CA10: variants seen among roughly 807,000 people sequenced by gnomAD.
The protein encoded by CA10 is carbonic anhydrase 10 (inactive).
CA10 carries 14 observed loss-of-function variants against 44.2 expected under a neutral mutation model. The ratio of observed to expected loss-of-function variants is 0.32; its 90% CI spans 0.21 to 0.50. The LOEUF is 0.50. CA10 is among the 20% of genes least tolerant of loss of function. CA10 has a pLI of 0.99. For synonymous variants in CA10, 159 were observed against 141.6 expected (o/e 1.12, Z -0.87); for missense variants, 350 against 409.7 (o/e 0.85, Z 1.26).
At chr17:51,667,911 A>G (rs1414209379) in intron 4 of CA10, among the ~76,000 whole-genome samples, 2 of 152,206 alleles carry the variant, frequency 1.3e-5, no homozygotes, top group Non-Finnish European at 2.9e-5. Context: ...TTAAGACTTC[A>G]ATATCCATTC....
At chr17:51,650,678 T>C (rs959387374) in intron 5 of CA10, among the ~76,000 whole-genome samples, 2 of 152,226 alleles carry the variant, frequency 1.3e-5, no homozygotes, top group African/African-American at 4.8e-5. Context: ...CTGGTGCTGA[T>C]GCACCCCATG....
chr17:52,047,996 T>G (rs1986957717), intron 2 of CA10, among the ~76,000 whole-genome samples: 1 of 150,980 alleles, frequency 6.6e-6, no homozygotes, highest in African/African-American at 2.4e-5. Flanking sequence ...GACTTGCTTC[T>G]CATCTATACA....
chr17:51,931,933 G>T (rs1300129820), intron 2 of CA10, among the ~76,000 whole-genome samples: 1 of 152,112 alleles, frequency 6.6e-6, no homozygotes. Flanking sequence ...TTTTATATCA[G>T]TGAAGATCAA....
chr17:51,706,052 G>A (rs1297605591), intron 4 of CA10, among the ~76,000 whole-genome samples: 1 of 152,226 alleles, frequency 6.6e-6, no homozygotes, highest in East Asian at 1.9e-4. Flanking sequence ...TCTGGTTGAA[G>A]TCATAGTTCC....
intron 1 of CA10, among the ~76,000 whole-genome samples, chr17:52,145,706 G>C (rs1163547165): frequency 1.3e-5 from 2 of 152,132 alleles, no homozygotes; most frequent in African/African-American, 2.4e-5. Context: ...AATAGATTTT[G>C]AGGTAAACCA....
intron 3 of CA10, among the ~76,000 whole-genome samples, chr17:51,882,456 A>C (rs554723293): frequency 2.2e-4 from 34 of 152,240 alleles, no homozygotes; most frequent in Middle Eastern, 3.4e-3. Flanking sequence ...GTGTGTGTGT[A>C]TGGGTGTTGG....
intron 3 of CA10, among the ~76,000 whole-genome samples, chr17:51,868,886 TTTTTG>T (rs1037786625): frequency 6.9e-5 from 10 of 144,960 alleles, no homozygotes; most frequent in African/African-American, 2.7e-4. Flanking sequence ...GCCAAAAGTT[TTTTTG>T]TTTTTTTTTT....
intron 2 of CA10, among the ~76,000 whole-genome samples, chr17:51,968,516 C>T (rs548418317): frequency 2.5e-4 from 38 of 151,908 alleles, no homozygotes; most frequent in African/African-American, 6.5e-4. Flanking sequence ...TCCATTTATA[C>T]GACTTTCTAA....
At chr17:51,640,766 C>T (rs11079974) in intron 6 of CA10, among the ~76,000 whole-genome samples, 100,802 of 152,094 alleles carry the variant, frequency 0.66, 34,126 homozygotes, top group South Asian at 0.76. Context: ...CAGGAACTAG[C>T]TTTTAGTCAC....
intron 3 of CA10, among the ~76,000 whole-genome samples, chr17:51,881,080 TA>T (rs1046255461): frequency 6.8e-5 from 10 of 147,686 alleles, no homozygotes; most frequent in East Asian, 2.0e-4. Context: ...TACTAAAAAT[TA>T]AAAAAAAAAT....
intron 2 of CA10, among the ~76,000 whole-genome samples, chr17:52,045,223 T>C (rs1293269102): frequency 6.6e-6 from 1 of 150,884 alleles, no homozygotes; most frequent in Non-Finnish European, 1.5e-5. Context: ...AAACACATTT[T>C]ATAAATAAAG....
intron 1 of CA10, among the ~76,000 whole-genome samples, chr17:52,103,992 G>A (rs1444867289): frequency 6.6e-6 from 1 of 152,180 alleles, no homozygotes; most frequent in Non-Finnish European, 1.5e-5. Flanking sequence ...CTGTGGCCTT[G>A]GGCCAATGAC....
chr17:51,919,747 G>T (rs1164733211), intron 3 of CA10, among the ~76,000 whole-genome samples: 1 of 152,142 alleles, frequency 6.6e-6, no homozygotes. Flanking sequence ...CACCTCCCTG[G>T]TTCAAGCAAT....
chr17:51,803,871 A>G (rs1198651391), intron 3 of CA10, among the ~76,000 whole-genome samples: 1 of 152,230 alleles, frequency 6.6e-6, no homozygotes, highest in Non-Finnish European at 1.5e-5. Flanking sequence ...CAAAGCAATG[A>G]TAATCAAAGA....
intron 3 of CA10, among the ~76,000 whole-genome samples, chr17:51,915,194 A>G (rs1329745361): frequency 6.6e-6 from 1 of 152,194 alleles, no homozygotes; most frequent in African/African-American, 2.4e-5. Context: ...TATGCCTCAT[A>G]TCTGTTGATG....
intron 1 of CA10, among the ~76,000 whole-genome samples, chr17:52,141,595 A>T (rs1989481001): frequency 6.6e-6 from 1 of 152,192 alleles, no homozygotes; most frequent in African/African-American, 2.4e-5. Flanking sequence ...GCTGTGATGT[A>T]AAAGAAGCCC....
At chr17:51,838,759 AAC>A (rs1313972118) in intron 3 of CA10, among the ~76,000 whole-genome samples, 2 of 152,234 alleles carry the variant, frequency 1.3e-5, no homozygotes, top group African/African-American at 2.4e-5. Context: ...ATCGTTGGAA[AAC>A]ACACAGTTAT....
At chr17:51,746,519 T>C (rs968989187) in intron 4 of CA10, among the ~76,000 whole-genome samples, 18 of 152,236 alleles carry the variant, frequency 1.2e-4, no homozygotes, top group African/African-American at 4.3e-4. Flanking sequence ...AAGCTTCTCC[T>C]GACCCCTTCA....
chr17:51,948,981 A>AT (rs34049903), intron 2 of CA10, among the ~76,000 whole-genome samples: 1 of 152,190 alleles, frequency 6.6e-6, no homozygotes, highest in African/African-American at 2.4e-5. Flanking sequence ...AACAGCAGTG[A>AT]TTTTTTATTA....
Sources: gnomAD v4.1 joint callset for allele counts (sites outside exome capture counted in the v4.1 genomes callset) on GRCh38, gnomAD v4.1.1 for gene constraint, MANE v1.5 for transcripts, NCBI Gene and HGNC (gene_info 2026-07-23, HGNC 2026-07-21) for gene names.